RELN: variants seen among roughly 807,000 people sequenced by gnomAD.
RELN encodes the protein reelin.
A neutral mutation model predicts 427.6 loss-of-function variants in RELN; 108 were observed. The ratio of observed to expected loss-of-function variants is 0.25; its 90% confidence interval spans 0.22 to 0.30. RELN has a LOEUF of 0.30. Ranked by LOEUF, RELN falls within the 10% of genes least tolerant of loss-of-function variation. The pLI is 1.00. For missense variants in RELN, 3,715 were observed against 4,302.8 expected (o/e 0.86, Z 3.82); for synonymous variants, 1,524 against 1,513.4 (o/e 1.01, Z -0.16).
chr7:103,943,219 G>C (rs542378395), intron 1 of RELN, among the ~76,000 whole-genome samples: 2 of 152,156 alleles, frequency 1.3e-5, no homozygotes, highest in Non-Finnish European at 2.9e-5. Context: ...GGCAAGTTTA[G>C]CCTTGGTCAT....
chr7:103,613,910 T>C (rs1247793475), intron 20 of RELN, among the ~76,000 whole-genome samples: 2 of 152,228 alleles, frequency 1.3e-5, no homozygotes, highest in Non-Finnish European at 2.9e-5. Context: ...TCTGAGATGG[T>C]TTCGTGTCCT....
At chr7:103,565,819 A>G (rs1364767040) in intron 33 of RELN, among the ~76,000 whole-genome samples, 1 of 152,230 alleles carries the variant, frequency 6.6e-6, no homozygotes, top group Non-Finnish European at 1.5e-5. Flanking sequence ...TTACAGTTAT[A>G]CATATATTGG....
chr7:103,881,539 T>C (rs1453579163), intron 2 of RELN, among the ~76,000 whole-genome samples: 1 of 152,180 alleles, frequency 6.6e-6, no homozygotes, highest in African/African-American at 2.4e-5. Flanking sequence ...TCCAGTTCCC[T>C]GAATGCATCA....
At chr7:103,505,942 A>G (rs140794275) in intron 51 of RELN, among the ~76,000 whole-genome samples, 6,647 of 152,336 alleles carry the variant, frequency 0.044, 172 homozygotes, top group Non-Finnish European at 0.047. Flanking sequence ...TTCGTGAAGC[A>G]TACACAAGTA....
At chr7:103,482,627 T>C (rs1244747180) in intron 63 of RELN, among the ~76,000 whole-genome samples, 1 of 152,246 alleles carries the variant, frequency 6.6e-6, no homozygotes, top group Admixed American at 6.5e-5. Flanking sequence ...TAACCAATAT[T>C]GTCAACCCTT....
rs143488549 is a variant in RELN at position 103,651,042 on chromosome 7, G to C, written c.1892+619C>G. Among the ~76,000 whole-genome samples, 549 of 152,142 alleles carry C rather than the reference G, an allele frequency of 3.6e-3. 4 individuals carry two copies. The highest frequency in any genetic ancestry group is 0.013 in the African/African-American group (531 of 41,514). On this transcript the variant is annotated intron_variant, in intron 15 of 64. Transcript: ENST00000428762. ...CTAGGCATCTGTGCAGAGATGTACT[G>C]CTAATTAGCATCAATTATTTTTATT...
Position 103,486,390 on chromosome 7 carries a change from C to T in RELN, c.9790G>A (p.Asp3264Asn), listed in dbSNP as rs770064368. Residue 3264 changes from aspartate (D) to asparagine (N), a missense_variant, in exon 61 of 65, where the codon GAC becomes AAC. Transcript: ENST00000428762. ...TTATCTTTAATATAACTGGGAAGGT[C>T]GTGACTGAAAACAGAGCAGTCATCA... ...QGDDCSVFSH[D>N]LPSYIKDNFE... The T allele has an allele frequency of 2.7e-5, 44 of 1,613,832 alleles. No individual in the cohort carries two copies. The highest frequency in any genetic ancestry group is 3.3e-4 in the Middle Eastern group (2 of 6,082).
At chr7:103,660,000 T>C (rs1474874071) in intron 12 of RELN, among the ~76,000 whole-genome samples, 1 of 152,136 alleles carries the variant, frequency 6.6e-6, no homozygotes, top group Non-Finnish European at 1.5e-5. Context: ...AGTAATACTG[T>C]TTTAATTCAT....
chr7:103,758,149 T>C (rs1791209522), intron 4 of RELN, among the ~76,000 whole-genome samples: 2 of 152,182 alleles, frequency 1.3e-5, no homozygotes, highest in Non-Finnish European at 2.9e-5. Flanking sequence ...TAACCATACA[T>C]CTCTGTAATC....
Position 103,495,846 on chromosome 7 carries a change from T to A in RELN, c.9246A>T (p.Thr3082=). 6.2e-7 allele frequency: 1 copy of A among 1,614,174 alleles called. No homozygotes were observed. Among genetic ancestry groups the A allele is most frequent in the Non-Finnish European group, 8.5e-7 (1 of 1,180,014 alleles). The change falls in exon 57 of 65, where the codon ACA becomes ACT. Residue 3082 remains threonine (T), a synonymous_variant. Coordinates refer to ENST00000428762, the MANE Select transcript of RELN (RefSeq NM_005045.4). ...NWSFYPNAVR[T]AGFCGNPSFH... Reference sequence around the variant, plus strand: ...AGGATGGATTGCCACAAAATCCTGCTGTCCTTACAGCATTAGGGTAAAAAC... The same window carrying A: ...AGGATGGATTGCCACAAAATCCTGCAGTCCTTACAGCATTAGGGTAAAAAC...
chr7:103,513,252 A>G (rs547824156), intron 50 of RELN: 1 of 152,338 alleles, frequency 6.6e-6, no homozygotes, highest in South Asian at 2.1e-4. Flanking sequence ...CTACTTCTGT[A>G]TGTACACGTT....
At chr7:103,939,269 A>G (rs568896690) in intron 1 of RELN, among the ~76,000 whole-genome samples, 1 of 152,268 alleles carries the variant, frequency 6.6e-6, no homozygotes, top group East Asian at 1.9e-4. Flanking sequence ...ATAAGCTTTT[A>G]TCTTCCAAAT....
intron 3 of RELN, among the ~76,000 whole-genome samples, chr7:103,779,543 C>A (rs1344216666): frequency 6.6e-6 from 1 of 152,144 alleles, no homozygotes; most frequent in Non-Finnish European, 1.5e-5. Flanking sequence ...CACAGAGCTA[C>A]TGCATGATTT....
chr7:103,773,263 C>T (rs1034409837), intron 4 of RELN, among the ~76,000 whole-genome samples: 1 of 138,300 alleles, frequency 7.2e-6, no homozygotes, highest in Non-Finnish European at 1.6e-5. Flanking sequence ...CTCCCTCCCT[C>T]TCTCCCTGTC....
intron 36 of RELN, among the ~76,000 whole-genome samples, chr7:103,559,446 T>G (rs962200412): frequency 1.1e-4 from 17 of 152,326 alleles, no homozygotes; most frequent in African/African-American, 4.1e-4. Context: ...TAGTCTTTGT[T>G]TTTTCTTTTA....
At position 103,840,295 on chromosome 7, in the gene RELN, G is replaced by A. The variant is rs542588873; in HGVS notation, c.338-6623C>T. ...CCCTTAGTCAGAAATGGCTCCTATC[G>A]GAGTGTGAGACTGGAACTGGGTCTT... is the stretch of plus-strand genomic sequence containing the variant. On this transcript the variant is annotated intron_variant, in intron 2 of 64. Coordinates refer to ENST00000428762, the MANE Select transcript of RELN (RefSeq NM_005045.4). Among the ~76,000 whole-genome samples the A allele has an allele frequency of 1.6e-4, 25 of 152,256 alleles. No homozygotes were observed. The South Asian group carries it at 1.7e-3, about 10-fold the overall frequency.
chr7:103,989,534 G>T lies in RELN; in HGVS notation c.-178C>A. ...CCGCCGAGAAGTTCCGCGGGAGACG[G>T]CGGCTCCCAAAGTTACTTTGGGCCG... On this transcript the variant is annotated 5_prime_UTR_variant, in exon 1 of 65. Coordinates refer to ENST00000428762, the MANE Select transcript of RELN (RefSeq NM_005045.4). This position sits in a 1 kb window ranked among gnomAD's most constrained non-coding sequence, Gnocchi z 4.9. 2.0e-6 allele frequency: 1 copy of T among 507,508 alleles called. No individual in the cohort carries two copies. Among genetic ancestry groups the T allele is most frequent in the Non-Finnish European group, 3.1e-6 (1 of 317,988 alleles). The allele number at this position is 507,508 out of a possible 1,614,324, so 31.4% of individuals were successfully genotyped here.
chr7:103,871,496 G>A (rs2299394), intron 2 of RELN, among the ~76,000 whole-genome samples: 21,811 of 151,998 alleles, frequency 0.14, 1,877 homozygotes, highest in East Asian at 0.34. Flanking sequence ...TACATTTGCC[G>A]TATTAATAGG....
At chr7:103,494,380 TGTGTGTGTGTGTGG>T (rs1828764211) in intron 57 of RELN, among the ~76,000 whole-genome samples, 1 of 151,530 alleles carries the variant, frequency 6.6e-6, no homozygotes, top group African/African-American at 2.4e-5. Context: ...TGTGTGTGTG[TGTGTGTGTGTGTGG>T]GATATGGTCT....
Sources: gnomAD v4.1 joint callset for allele counts (sites outside exome capture counted in the v4.1 genomes callset) on GRCh38, gnomAD v4.1.1 for gene constraint, Gnocchi (gnomAD v3.1) non-coding constraint, MANE v1.5 for transcripts, NCBI Gene and HGNC (gene_info 2026-07-23, HGNC 2026-07-21) for gene names.